NF1: variants seen among roughly 807,000 people sequenced by gnomAD.
NF1 encodes neurofibromin 1.
In NF1, 122 loss-of-function variants were observed where a neutral mutation model predicts 325.7. The ratio of observed to expected loss-of-function variants is 0.37; its 90% CI spans 0.32 to 0.44. NF1 has a LOEUF of 0.44. Ranked by LOEUF, NF1 falls within the 20% of genes least tolerant of loss-of-function variation. The probability of loss-of-function intolerance (pLI) is 1.00; values close to 1 mark genes in which losing one functional copy is unlikely to be tolerated. For synonymous variants in NF1, 1,091 were observed against 1,186.0 expected, an observed-to-expected ratio of 0.92 and a Z score of 1.65; for missense variants, 2,140 against 3,415.4, an observed-to-expected ratio of 0.63 and a Z score of 9.31.
rs17879404 is a variant in NF1, at chr17:31,104,152, A to AT, written c.60+8789dup. Among the ~76,000 whole-genome samples the AT allele has an allele frequency of 7.8e-3, 1,192 of 152,246 alleles. 21 individuals carry two copies. The highest frequency in any genetic ancestry group is 0.027 in the African/African-American group (1,142 of 41,540). ...TATAATACAGTAGTAAGAATGCCTTATTTTTTACATCTTTGTTCTTTAAAT... is the reference window on the plus strand; with the variant it reads ...TATAATACAGTAGTAAGAATGCCTTATTTTTTTACATCTTTGTTCTTTAAAT... On this transcript the variant is annotated intron_variant, in intron 1 of 57. Coordinates refer to ENST00000358273, the MANE Select transcript of NF1 (RefSeq NM_001042492.3).
At chr17:31,322,799 A>C (rs920625955) in intron 36 of NF1, among the ~76,000 whole-genome samples, 2 of 152,214 alleles carry the variant, frequency 1.3e-5, no homozygotes, top group African/African-American at 4.8e-5. Flanking sequence ...ATTTTAATTT[A>C]AGTCCTCTCA....
chr17:31,260,053 T>C (rs1357824900), intron 33 of NF1, among the ~76,000 whole-genome samples: 2 of 152,286 alleles, frequency 1.3e-5, no homozygotes, highest in African/African-American at 2.4e-5. Context: ...CTATATATCT[T>C]TGGGGAGGTC....
intron 36 of NF1, among the ~76,000 whole-genome samples, chr17:31,310,117 T>C (rs2068829482): frequency 6.6e-6 from 1 of 152,172 alleles, no homozygotes; most frequent in Non-Finnish European, 1.5e-5. Flanking sequence ...TTATTTAGCA[T>C]ACACATTTTA....
At chr17:31,349,280 C>A (rs2151573076) in intron 49 of NF1, 29 bp downstream of exon 49, 3 of 1,604,224 alleles carry the variant, frequency 1.9e-6, no homozygotes, top group Non-Finnish European at 2.5e-6. Flanking sequence ...CAAAATTAAT[C>A]TTGCTACATC....
intron 13 of NF1, among the ~76,000 whole-genome samples, chr17:31,217,528 C>T (rs961619312): frequency 6.6e-5 from 10 of 151,708 alleles, no homozygotes; most frequent in African/African-American, 2.4e-4. Flanking sequence ...TAGTCTCGAA[C>T]TCCTGACCTC....
At chr17:31,357,497 CAGT>C (rs1437265756) in intron 54 of NF1, 128 bp downstream of exon 54, 8 of 767,884 alleles carry the variant, frequency 1.0e-5, no homozygotes, top group Non-Finnish European at 1.8e-5. Context: ...AGCTTTGAGA[CAGT>C]AGGTTTAATG....
At chr17:31,290,343 G>A (rs143701371) in intron 36 of NF1, among the ~76,000 whole-genome samples, 43 of 152,226 alleles carry the variant, frequency 2.8e-4, no homozygotes, top group African/African-American at 9.4e-4. Context: ...CATGAAGTGA[G>A]TGTTAAACTG....
At chr17:31,211,938 C>T (rs893227776) in intron 12 of NF1, among the ~76,000 whole-genome samples, 1 of 151,986 alleles carries the variant, frequency 6.6e-6, no homozygotes, top group African/African-American at 2.4e-5. Flanking sequence ...ATACTGTAGA[C>T]TTTATAAACA....
At chr17:31,349,323 C>T (rs2151573263) in intron 49 of NF1, 72 bp downstream of exon 49, 1 of 1,524,648 alleles carries the variant, frequency 6.6e-7, no homozygotes, top group Non-Finnish European at 8.9e-7. Flanking sequence ...AGTACAAATA[C>T]CTATAGGTTT....
At chr17:31,327,913 TA>T in intron 38 of NF1, 74 bp downstream of exon 38, 2 of 1,343,820 alleles carry the variant, frequency 1.5e-6, no homozygotes, top group South Asian at 2.4e-5. Context: ...TAATGAATTT[TA>T]AAACAGCCTC....
At chr17:31,345,221 C>A (rs897987961) in intron 48 of NF1, among the ~76,000 whole-genome samples, 16 of 152,182 alleles carry the variant, frequency 1.1e-4, no homozygotes, top group African/African-American at 3.9e-4. Flanking sequence ...GGCCAAAGAT[C>A]AAATTTATCC....
At chr17:31,123,962 C>A (rs1026648804) in intron 1 of NF1, among the ~76,000 whole-genome samples, 1 of 151,724 alleles carries the variant, frequency 6.6e-6, no homozygotes, top group Non-Finnish European at 1.5e-5. Flanking sequence ...TTATATTTTT[C>A]TTTTGGGGGG....
chr17:31,221,735 A>G (rs2066924335), intron 14 of NF1, 115 bp from the exon 15 acceptor site: 7 of 745,700 alleles, frequency 9.4e-6, no homozygotes, highest in Non-Finnish European at 1.6e-5. Flanking sequence ...TATTGAAACT[A>G]CAAATGAAAG....
intron 3 of NF1, among the ~76,000 whole-genome samples, chr17:31,161,494 T>C (rs1391164422): frequency 6.6e-6 from 1 of 152,230 alleles, no homozygotes; most frequent in Non-Finnish European, 1.5e-5. Context: ...TCAAGACTGT[T>C]AGGTGAAATA....
At chr17:31,285,253 G>T (rs1042415946) in intron 36 of NF1, among the ~76,000 whole-genome samples, 2 of 145,356 alleles carry the variant, frequency 1.4e-5, no homozygotes. Flanking sequence ...CTCCAACCTG[G>T]GCAAGACAGA....
chr17:31,178,577 A>G (rs1432831192), intron 5 of NF1, among the ~76,000 whole-genome samples: 4 of 152,238 alleles, frequency 2.6e-5, no homozygotes, highest in Admixed American at 6.5e-5. Flanking sequence ...CAAATTGGAT[A>G]AAGAGTCAAG....
chr17:31,295,682 AAC>A, intron 36 of NF1: 1 of 1,614,162 alleles, frequency 6.2e-7, no homozygotes. Flanking sequence ...TATCTCTTGC[AAC>A]TGAAAGAGTT....
intron 1 of NF1, among the ~76,000 whole-genome samples, chr17:31,105,796 G>T (rs1912808444): frequency 6.6e-6 from 1 of 152,178 alleles, no homozygotes; most frequent in Non-Finnish European, 1.5e-5. Context: ...TTACAGGCAT[G>T]AGCCACCGTG....
chr17:31,101,313 G>A (rs939057688), intron 1 of NF1, among the ~76,000 whole-genome samples: 4 of 151,982 alleles, frequency 2.6e-5, no homozygotes, highest in East Asian at 3.9e-4. Context: ...GTTCCTTAGC[G>A]GGGGTCTTAG....
Sources: gnomAD v4.1 joint callset for allele counts (sites outside exome capture counted in the v4.1 genomes callset) on GRCh38, gnomAD v4.1.1 for gene constraint, MANE v1.5 for transcripts, NCBI Gene and HGNC (gene_info 2026-07-23, HGNC 2026-07-21) for gene names.